Variants in USP34 observed in about 807,000 individuals in gnomAD.
The protein encoded by USP34 is ubiquitin specific peptidase 34.
A neutral mutation model predicts 460.3 loss-of-function variants in USP34; 70 were observed. That is an observed-to-expected ratio of 0.15 (90% confidence interval 0.13 to 0.19). The LOEUF is 0.19. USP34 is among the 10% of genes least tolerant of loss of function. The probability of loss-of-function intolerance (pLI) is 1.00; values close to 1 mark genes in which losing one functional copy is unlikely to be tolerated. For missense variants in USP34, 3,985 were observed against 4,236.2 expected, an observed-to-expected ratio of 0.94 and a Z score of 1.65; for synonymous variants, 1,647 against 1,405.3, an observed-to-expected ratio of 1.17 and a Z score of -3.85.
chr2:61,443,400 A>T (rs1464454602), intron 1 of USP34, among the ~76,000 whole-genome samples: 6 of 152,030 alleles, frequency 3.9e-5, no homozygotes, highest in Admixed American at 1.3e-4. Context: ...AATTTTGCAT[A>T]AAAAAATCAC....
In USP34 at chr2:61,311,723, A is replaced by G. The variant is rs753196957; in HGVS notation, c.3670-36T>C. The G allele has an allele frequency of 1.6e-5, 26 of 1,608,698 alleles. No homozygotes were observed. In the Admixed American group the frequency reaches 2.7e-4, roughly 17 times the overall value. On this transcript the variant is annotated intron_variant, in intron 26 of 79. Coordinates refer to ENST00000398571, the MANE Select transcript of USP34 (RefSeq NM_014709.4). ...AGATGCAACCAATTTAAAAATACAA[A>G]AAGAACAGATATTTGACCTGGGAAA...
intron 1 of USP34, among the ~76,000 whole-genome samples, chr2:61,443,829 G>A (rs574362170): frequency 4.6e-5 from 7 of 152,268 alleles, no homozygotes; most frequent in South Asian, 2.1e-4. Flanking sequence ...ATATGTTAAC[G>A]TAGATTCACC....
intron 72 of USP34, 137 bp from the exon 73 acceptor site, chr2:61,204,738 A>G: frequency 1.5e-6 from 1 of 663,320 alleles, no homozygotes; most frequent in Non-Finnish European, 2.6e-6. Context: ...ACACGAGTAG[A>G]AATTCTGTCT....
At chr2:61,324,366 G>A (rs1464819153) in intron 21 of USP34, among the ~76,000 whole-genome samples, 1 of 152,110 alleles carries the variant, frequency 6.6e-6, no homozygotes, top group Non-Finnish European at 1.5e-5. Context: ...GCCTCTAAAT[G>A]TCTCCATCAC....
intron 65 of USP34, 39 bp from the exon 66 acceptor site, chr2:61,221,645 T>C (rs1459646827): frequency 3.2e-6 from 5 of 1,573,764 alleles, no homozygotes; most frequent in Non-Finnish European, 3.5e-6. Context: ...TAGATCAATC[T>C]GAACCCATCT....
chr2:61,360,645 A>C (rs896484594), intron 10 of USP34, among the ~76,000 whole-genome samples: 1 of 152,198 alleles, frequency 6.6e-6, no homozygotes. Context: ...CGCAATCCCT[A>C]TCAAAATCTC....
chr2:61,233,384 A>AT (rs1164505166), intron 57 of USP34, among the ~76,000 whole-genome samples: 1 of 152,228 alleles, frequency 6.6e-6, no homozygotes, highest in Non-Finnish European at 1.5e-5. Context: ...AGAAAAAAAA[A>AT]GTAACTTTTA....
intron 10 of USP34, among the ~76,000 whole-genome samples, chr2:61,358,134 G>C (rs1692161231): frequency 6.6e-6 from 1 of 152,086 alleles, no homozygotes; most frequent in Non-Finnish European, 1.5e-5. Flanking sequence ...GGAGGCTGCA[G>C]TGAACCAAGA....
At chr2:61,401,318 A>G (rs1693711963) in intron 3 of USP34, among the ~76,000 whole-genome samples, 1 of 151,870 alleles carries the variant, frequency 6.6e-6, no homozygotes, top group Non-Finnish European at 1.5e-5. Context: ...AACTCACTGC[A>G]GCTTTGACCT....
intron 1 of USP34, among the ~76,000 whole-genome samples, chr2:61,469,209 A>G (rs534924526): frequency 1.3e-5 from 2 of 152,288 alleles, no homozygotes; most frequent in South Asian, 4.1e-4. Flanking sequence ...CTCTGTCTCA[A>G]GAAAAAAAAA....
At chr2:61,461,941 T>A (rs1216390733) in intron 1 of USP34, among the ~76,000 whole-genome samples, 1 of 152,122 alleles carries the variant, frequency 6.6e-6, no homozygotes, top group Admixed American at 6.6e-5. Context: ...TGAAATCTTA[T>A]ACAAAAACAT....
intron 10 of USP34, among the ~76,000 whole-genome samples, chr2:61,354,792 T>G (rs1221119905): frequency 6.6e-6 from 1 of 152,194 alleles, no homozygotes; most frequent in East Asian, 1.9e-4. Flanking sequence ...ATTGAGGAAA[T>G]GTGAGGCTGG....
chr2:61,461,811 G>T (rs575191360), intron 1 of USP34, among the ~76,000 whole-genome samples: 40 of 152,154 alleles, frequency 2.6e-4, no homozygotes, highest in African/African-American at 9.6e-4. Context: ...GTAAACTCAC[G>T]TCTAGAAATC....
intron 2 of USP34, among the ~76,000 whole-genome samples, chr2:61,419,377 G>A (rs1010005043): frequency 6.6e-5 from 10 of 152,054 alleles, no homozygotes; most frequent in African/African-American, 2.4e-4. Flanking sequence ...GCTCTCGGTG[G>A]TTTGGAGGCA....
At chr2:61,315,916 T>C (rs1162432944) in intron 23 of USP34, among the ~76,000 whole-genome samples, 2 of 151,792 alleles carry the variant, frequency 1.3e-5, no homozygotes, top group African/African-American at 4.8e-5. Context: ...ATTATCATAG[T>C]GGGCCGTGTG....
Position 61,394,914 on chromosome 2 carries a change from T to C in USP34, c.692A>G (p.Tyr231Cys), listed in dbSNP as rs1012623547. 3.7e-6 allele frequency: 6 copies of C among 1,604,960 alleles called. No individual in the cohort carries two copies. The highest frequency in any genetic ancestry group is 2.7e-5 in the African/African-American group (2 of 74,584). ...AAATGGCAAAGTTTCAGGAGTTCCA[T>C]ATTCAAAGCAATCCTTCATGAGAGA... ...GLSLMKDCFEYGTPETLPFLI... is the reference protein window; with the variant it reads ...GLSLMKDCFECGTPETLPFLI... Residue 231 changes from tyrosine to cysteine, a missense_variant, in exon 5 of 80, where the codon TAT becomes TGT. Physicochemically the swap from Tyr to Cys is radical, Grantham distance 194. This residue lies in a region of USP34 where 331 missense variants were observed against 293.7 expected (regional missense o/e 1.13). Coordinates refer to ENST00000398571, the MANE Select transcript of USP34 (RefSeq NM_014709.4).
At chr2:61,459,159 T>C (rs985882078) in intron 1 of USP34, among the ~76,000 whole-genome samples, 2 of 152,022 alleles carry the variant, frequency 1.3e-5, no homozygotes, top group African/African-American at 2.4e-5. Context: ...TTTCCCAACT[T>C]CCACAGTCAG....
At chr2:61,246,005 C>G (rs1165581449) in intron 50 of USP34, among the ~76,000 whole-genome samples, 7 of 152,088 alleles carry the variant, frequency 4.6e-5, no homozygotes, top group Non-Finnish European at 1.0e-4. Flanking sequence ...ACATATAAGG[C>G]TACACTGTAG....
chr2:61,250,913 C>T (rs745494065), intron 48 of USP34, among the ~76,000 whole-genome samples: 5 of 152,074 alleles, frequency 3.3e-5, no homozygotes, highest in Non-Finnish European at 7.4e-5. Context: ...CTGGAGCAGG[C>T]GGATCATGAG....
Sources: gnomAD v4.1 joint callset for allele counts (sites outside exome capture counted in the v4.1 genomes callset) on GRCh38, gnomAD v4.1.1 for gene constraint, gnomAD v4.1.1 regional missense constraint, MANE v1.5 for transcripts, NCBI Gene and HGNC (gene_info 2026-07-23, HGNC 2026-07-21) for gene names.